RNF150: variants seen among roughly 807,000 people sequenced by gnomAD.
RNF150 encodes ring finger protein 150.
In RNF150, 24 loss-of-function variants were observed where a neutral mutation model predicts 39.3. That is an observed-to-expected ratio of 0.61 (90% CI 0.44 to 0.86). The LOEUF (loss-of-function observed/expected upper bound fraction) is 0.86, where lower values mean the gene tolerates loss of function less well. Among genes scored for constraint, RNF150 ranks in the 40% least tolerant of loss-of-function variants. The pLI is 0.00. For missense variants in RNF150, 502 were observed against 587.8 expected (o/e 0.85, Z 1.51); for synonymous variants, 255 against 227.3 (o/e 1.12, Z -1.10).
intron 1 of RNF150, among the ~76,000 whole-genome samples, chr4:141,033,259 T>C (rs939737397): frequency 6.6e-6 from 1 of 152,200 alleles, no homozygotes; most frequent in Non-Finnish European, 1.5e-5. Flanking sequence ...CCAGGAGCAG[T>C]TTCCATTTCA....
chr4:141,057,772 C>A (rs1195879544), intron 1 of RNF150, among the ~76,000 whole-genome samples: 1 of 152,090 alleles, frequency 6.6e-6, no homozygotes, highest in Non-Finnish European at 1.5e-5. Context: ...ACATAGCAAA[C>A]CTCGGCAAGA....
In RNF150 at chr4:141,050,530, C is replaced by G. The variant is rs371418435; in HGVS notation, c.484+81795G>C. ...GATACAATGGGGGTACAGGCATTGC[C>G]TAAATACAGCTGTTGCAAATGGGAG... On this transcript the variant is annotated intron_variant, in intron 1 of 6. Coordinates refer to ENST00000515673, the MANE Select transcript of RNF150 (RefSeq NM_020724.2). Among the ~76,000 whole-genome samples, 12 of 152,274 alleles carry G rather than the reference C, an allele frequency of 7.9e-5. 1 individual carries two copies. The East Asian group carries it at 1.2e-3, about 15-fold the overall frequency.
rs70946798 is a variant in RNF150, at chr4:141,155,252, AT to A, written c.-6+57541del. ...AGGCATGCACCACCACACCCGGCTGATTTTTTTTTTTTTTTTTTGTATTTTT... is the reference window on the plus strand; with the variant it reads ...AGGCATGCACCACCACACCCGGCTGATTTTTTTTTTTTTTTTTGTATTTTT... On this transcript the variant is annotated intron_variant, in intron 1 of 7. Transcript: ENST00000420921. Among the ~76,000 whole-genome samples the A allele has an allele frequency of 6.1e-3, 776 of 126,370 alleles. 2 individuals are homozygous for A. The highest frequency in any genetic ancestry group is 0.017 in the African/African-American group (556 of 33,114). 82.9% of individuals were successfully genotyped at this position (126,370 alleles called of 152,430 possible). A position where few individuals can be genotyped will look rare whatever the true frequency, so the allele number is the denominator to read the frequency against.
At chr4:141,014,618 T>C (rs1238940348) in intron 1 of RNF150, among the ~76,000 whole-genome samples, 2 of 94,762 alleles carry the variant, frequency 2.1e-5, no homozygotes, top group African/African-American at 2.8e-5. Flanking sequence ...CAGGTACCAA[T>C]TGGCCACATT....
intron 1 of RNF150, among the ~76,000 whole-genome samples, chr4:140,979,216 G>T (rs11100697): frequency 0.31 from 46,471 of 151,940 alleles, 7,886 homozygotes; most frequent in East Asian, 0.71. Flanking sequence ...AGACCAAACC[G>T]TTGTTGTTCA....
intron 1 of RNF150, among the ~76,000 whole-genome samples, chr4:141,014,171 C>G (rs1425352434): frequency 6.6e-6 from 1 of 152,160 alleles, no homozygotes. Context: ...AGGATTCCCA[C>G]TCCCCCTTTA....
intron 2 of RNF150, among the ~76,000 whole-genome samples, chr4:140,959,340 A>G (rs751456099): frequency 2.6e-5 from 4 of 152,114 alleles, no homozygotes; most frequent in Non-Finnish European, 5.9e-5. Flanking sequence ...TTGGTCAGAG[A>G]TAAGATTCCA....
chr4:141,087,391 C>T (rs769271189), intron 1 of RNF150, among the ~76,000 whole-genome samples: 1 of 152,088 alleles, frequency 6.6e-6, no homozygotes, highest in Non-Finnish European at 1.5e-5. Flanking sequence ...TCTACTACTC[C>T]TTTGTACCTC....
At chr4:141,073,663 C>CGG (rs11432760) in intron 1 of RNF150, among the ~76,000 whole-genome samples, 8,662 of 115,372 alleles carry the variant, frequency 0.075, 331 homozygotes, top group Middle Eastern at 0.16. Flanking sequence ...ATATCAAGCT[C>CGG]GGGGGGGGAA....
At chr4:141,099,276 T>C (rs1173882624) in intron 1 of RNF150, among the ~76,000 whole-genome samples, 1 of 152,128 alleles carries the variant, frequency 6.6e-6, no homozygotes, top group Non-Finnish European at 1.5e-5. Context: ...GCAACACATC[T>C]AGAGCTTCAG....
chr4:140,885,529 C>T (rs191694250), intron 6 of RNF150, among the ~76,000 whole-genome samples: 1,742 of 150,644 alleles, frequency 0.012, 17 homozygotes, highest in Middle Eastern at 0.021. Flanking sequence ...CACTGCCTCC[C>T]GGGTTCAAGC....
chr4:140,945,774 CTT>C (rs924614054), intron 4 of RNF150, among the ~76,000 whole-genome samples: 3 of 151,446 alleles, frequency 2.0e-5, no homozygotes, highest in African/African-American at 4.8e-5. Context: ...TTGTAAATGT[CTT>C]TGGATTTTTC....
At chr4:141,097,629 A>G (rs1738843987) in intron 1 of RNF150, among the ~76,000 whole-genome samples, 1 of 151,962 alleles carries the variant, frequency 6.6e-6, no homozygotes, top group Non-Finnish European at 1.5e-5. Flanking sequence ...TTTCTTAATC[A>G]TTGCCAGTTT....
chr4:140,893,117 C>T (rs545751155), intron 6 of RNF150, among the ~76,000 whole-genome samples: 43 of 152,110 alleles, frequency 2.8e-4, no homozygotes, highest in Non-Finnish European at 5.6e-4. Context: ...GACCACCCCC[C>T]GGCCTTTCTC....
chr4:141,070,555 T>G (rs1578693775), intron 1 of RNF150, among the ~76,000 whole-genome samples: 1 of 149,584 alleles, frequency 6.7e-6, no homozygotes, highest in South Asian at 2.2e-4. Context: ...AACAACCCCA[T>G]CAAAAAGTGG....
chr4:141,086,251 C>A (rs1560730955), intron 1 of RNF150, among the ~76,000 whole-genome samples: 1 of 152,120 alleles, frequency 6.6e-6, no homozygotes, highest in African/African-American at 2.4e-5. Context: ...ATCTATTTAT[C>A]TCTGATGAAG....
At chr4:140,915,199 G>C (rs1225906914) in intron 5 of RNF150, among the ~76,000 whole-genome samples, 2 of 152,190 alleles carry the variant, frequency 1.3e-5, no homozygotes, top group Non-Finnish European at 2.9e-5. Context: ...AGTTATCAGA[G>C]AGTGAAAAGC....
At chr4:140,968,172 A>G (rs555705773) in intron 1 of RNF150, among the ~76,000 whole-genome samples, 120 of 151,916 alleles carry the variant, frequency 7.9e-4, no homozygotes, top group South Asian at 2.9e-3. Flanking sequence ...CAAAGCATTG[A>G]CTCCAGGTCT....
chr4:141,123,519 C>T (rs1479700473), intron 1 of RNF150, among the ~76,000 whole-genome samples: 2 of 152,196 alleles, frequency 1.3e-5, no homozygotes, highest in East Asian at 1.9e-4. Flanking sequence ...CCCTTGCTGA[C>T]ATCAAGGCAC....
Sources: gnomAD v4.1 joint callset for allele counts (sites outside exome capture counted in the v4.1 genomes callset) on GRCh38, gnomAD v4.1.1 for gene constraint, MANE v1.5 for transcripts, NCBI Gene and HGNC (gene_info 2026-07-23, HGNC 2026-07-21) for gene names.